The following SH3PXD2B variants were observed in gnomAD, a reference collection of about 807,000 sequenced individuals.
The protein encoded by SH3PXD2B is SH3 and PX domain-containing protein 2B.
In SH3PXD2B, 37 loss-of-function variants were observed where a neutral mutation model predicts 73.1. The ratio of observed to expected loss-of-function variants is 0.51; its 90% CI spans 0.39 to 0.67. The LOEUF (loss-of-function observed/expected upper bound fraction) is 0.67. Among genes scored for constraint, SH3PXD2B ranks in the 30% least tolerant of loss-of-function variants. The probability of loss-of-function intolerance (pLI) is 0.00; values close to 1 mark genes in which losing one functional copy is unlikely to be tolerated. For missense variants in SH3PXD2B, 1,053 were observed against 1,197.8 expected, an observed-to-expected ratio of 0.88 and a Z score of 1.78; for synonymous variants, 457 against 480.5, an observed-to-expected ratio of 0.95 and a Z score of 0.64.
intron 5 of SH3PXD2B, among the ~76,000 whole-genome samples, chr5:172,379,610 C>G (rs377088559): frequency 6.6e-6 from 1 of 152,158 alleles, no homozygotes; most frequent in African/African-American, 2.4e-5. Context: ...TAAGAGACAG[C>G]GCTGGAATAA....
At chr5:172,342,171 C>T (rs73319708) in intron 12 of SH3PXD2B, among the ~76,000 whole-genome samples, 5,618 of 152,158 alleles carry the variant, frequency 0.037, 308 homozygotes, top group African/African-American at 0.12. Flanking sequence ...TTCTGGCTTC[C>T]CAAACTGTGA....
At chr5:172,330,763 A>T (rs1358160871), downstream of SH3PXD2B, among the ~76,000 whole-genome samples, 1 of 152,254 alleles carries the variant, frequency 6.6e-6, no homozygotes, top group East Asian at 1.9e-4. Context: ...AGCTGTGGCC[A>T]TGGGTAAATT....
At chr5:172,447,372 CT>C (rs1368413990) in intron 1 of SH3PXD2B, among the ~76,000 whole-genome samples, 1 of 152,186 alleles carries the variant, frequency 6.6e-6, no homozygotes, top group East Asian at 1.9e-4. Flanking sequence ...GTTTTACCAT[CT>C]TGATGGTATT....
At chr5:172,326,991 G>C (rs1366926041) in intron 12 of SH3PXD2B, among the ~76,000 whole-genome samples, 11 of 151,668 alleles carry the variant, frequency 7.3e-5, no homozygotes. Context: ...TGAGTAGCTG[G>C]GATTACAGGC....
At chr5:172,391,454 C>T (rs6872191) in intron 4 of SH3PXD2B, among the ~76,000 whole-genome samples, 2,313 of 152,240 alleles carry the variant, frequency 0.015, 54 homozygotes, top group African/African-American at 0.052. Flanking sequence ...TCCCAGTCCA[C>T]GGCTTGCCAT....
At chr5:172,405,834 A>G (rs1758543449) in intron 3 of SH3PXD2B, among the ~76,000 whole-genome samples, 1 of 152,216 alleles carries the variant, frequency 6.6e-6, no homozygotes, top group Non-Finnish European at 1.5e-5. Context: ...TTATAGAAAC[A>G]GAAAGCACTC....
chr5:172,443,845 G>A (rs1415392473), intron 1 of SH3PXD2B, among the ~76,000 whole-genome samples: 1 of 152,244 alleles, frequency 6.6e-6, no homozygotes, highest in South Asian at 2.1e-4. Flanking sequence ...GTGCTTGAAG[G>A]CAACTTTTCC....
rs565603451 is a variant in SH3PXD2B at position 172,333,733 on chromosome 5, T to C, written c.*4636A>G. ...TGTGGGGATCTCCAGCGTCATCCTA[T>C]GAGCAGACACGAGGTGGTGGGCAGT... On this transcript the variant is annotated 3_prime_UTR_variant, in exon 13 of 13. Coordinates refer to ENST00000311601, the MANE Select transcript of SH3PXD2B (RefSeq NM_001017995.3). 1.6e-6 allele frequency: 2 copies of C among 1,289,492 alleles called. No individual in the cohort carries two copies. Among genetic ancestry groups the C allele is most frequent in the East Asian group, 1.1e-4 (2 of 18,002 alleles). 79.9% of individuals were successfully genotyped at this position (1,289,492 alleles called of 1,614,324 possible).
At chr5:172,360,434 C>G (rs1465143735) in intron 7 of SH3PXD2B, among the ~76,000 whole-genome samples, 2 of 152,202 alleles carry the variant, frequency 1.3e-5, no homozygotes, top group East Asian at 3.9e-4. Context: ...TCTCTGAGCT[C>G]TTAACCATTT....
intron 1 of SH3PXD2B, among the ~76,000 whole-genome samples, chr5:172,423,128 C>T (rs1759010019): frequency 6.6e-6 from 1 of 152,158 alleles, no homozygotes; most frequent in Admixed American, 6.5e-5. Context: ...TGTCACACGT[C>T]ACGGCACGCA....
intron 7 of SH3PXD2B, among the ~76,000 whole-genome samples, chr5:172,360,014 A>T (rs1236883885): frequency 6.6e-6 from 1 of 152,218 alleles, no homozygotes; most frequent in Non-Finnish European, 1.5e-5. Flanking sequence ...AACAGATCCT[A>T]TTCGGAACCT....
chr5:172,383,995 C>T (rs549850740), intron 4 of SH3PXD2B, among the ~76,000 whole-genome samples: 20 of 152,020 alleles, frequency 1.3e-4, no homozygotes, highest in African/African-American at 3.6e-4. Flanking sequence ...TACAGGCGCA[C>T]GCCACCCCAC....
chr5:172,398,490 T>C (rs1437368567), intron 3 of SH3PXD2B, among the ~76,000 whole-genome samples: 1 of 152,228 alleles, frequency 6.6e-6, no homozygotes, highest in African/African-American at 2.4e-5. Flanking sequence ...ATATTGATGA[T>C]ATTTTAATTG....
intron 1 of SH3PXD2B, among the ~76,000 whole-genome samples, chr5:172,427,869 C>T (rs1581331699): frequency 1.3e-5 from 2 of 151,688 alleles, no homozygotes; most frequent in South Asian, 2.1e-4. Context: ...CCTCTGCCTC[C>T]CGGGTTCAAG....
chr5:172,337,615 C>T lies in SH3PXD2B; in HGVS notation c.*754G>A, dbSNP rs7705594. ...GAAATGCTCCAAGTTGGGGTGGGAA[C>T]TCTCATTGAAAAGCCCTGGAGGGAC... On this transcript the variant is annotated 3_prime_UTR_variant, in exon 13 of 13. Transcript: ENST00000311601. 0.021 allele frequency: 20,490 copies of T among 985,440 alleles called. 1,929 individuals are homozygous for T. In the African/African-American group the frequency reaches 0.26, roughly 12 times the overall value. 61.0% of individuals were successfully genotyped at this position (985,440 alleles called of 1,614,324 possible).
intron 1 of SH3PXD2B, among the ~76,000 whole-genome samples, chr5:172,439,264 CAA>C (rs1212630397): frequency 2.2e-5 from 1 of 45,770 alleles, no homozygotes; most frequent in African/African-American, 1.0e-4. Context: ...AAAAAAAAAA[CAA>C]AAACAAAAAC....
chr5:172,403,631 C>T (rs780380193), intron 3 of SH3PXD2B, among the ~76,000 whole-genome samples: 5 of 152,208 alleles, frequency 3.3e-5, no homozygotes, highest in Admixed American at 6.5e-5. Flanking sequence ...GGGAGAGGGT[C>T]GGCTCAAGTT....
chr5:172,334,771 C>T lies in SH3PXD2B; in HGVS notation c.*3598G>A, dbSNP rs1439802618. On this transcript the variant is annotated 3_prime_UTR_variant, in exon 13 of 13. Coordinates refer to ENST00000311601, the MANE Select transcript of SH3PXD2B (RefSeq NM_001017995.3). ...GGCGAAATAAATACCAGACTGTCCA[C>T]TCCTCAGCCTAAGGTCCTTCTCAAG... 1 of 985,372 alleles carries T rather than the reference C, an allele frequency of 1.0e-6. No individual in the cohort carries two copies. The highest frequency in any genetic ancestry group is 1.2e-6 in the Non-Finnish European group (1 of 829,970). 61.0% of individuals were successfully genotyped at this position (985,372 alleles called of 1,614,324 possible).
At position 172,361,683 on chromosome 5, in the gene SH3PXD2B, C is replaced by T. The variant is rs1274959352; in HGVS notation, c.562+1052G>A. On this transcript the variant is annotated intron_variant, in intron 7 of 12. Coordinates refer to ENST00000311601, the MANE Select transcript of SH3PXD2B (RefSeq NM_001017995.3). ...CTGGAGTTGGTTTCGAATTCTGGCT[C>T]TGCAGGCTGTTGTGAGATGTGGGGT... Among the ~76,000 whole-genome samples the T allele has an allele frequency of 2.0e-5, 3 of 152,198 alleles. No individual in the cohort carries two copies. In the East Asian group the frequency reaches 5.8e-4, roughly 29 times the overall value.
Sources: allele counts gnomAD v4.1 joint callset (sites outside exome capture counted in the v4.1 genomes callset), GRCh38; gene constraint gnomAD v4.1.1; transcripts MANE v1.5; gene names NCBI Gene and HGNC (gene_info 2026-07-23, HGNC 2026-07-21).